Variants in DISC1 observed in about 807,000 individuals in gnomAD.
DISC1 encodes DISC1 scaffold protein.
In DISC1, 57 loss-of-function variants were observed where a neutral mutation model predicts 84.5. The ratio of observed to expected loss-of-function variants is 0.67; its 90% confidence interval spans 0.55 to 0.84. DISC1 has a LOEUF of 0.84. Ranked by LOEUF, DISC1 falls within the 40% of genes least tolerant of loss-of-function variation. The probability of loss-of-function intolerance (pLI) is 0.00; values close to 1 mark genes in which losing one functional copy is unlikely to be tolerated. For synonymous variants in DISC1, 411 were observed against 415.2 expected (o/e 0.99, Z 0.12); for missense variants, 1,000 against 1,057.8 (o/e 0.95, Z 0.76).
intron 10 of DISC1, among the ~76,000 whole-genome samples, chr1:232,005,011 T>TCCTC (rs1667221377): frequency 8.4e-6 from 1 of 119,490 alleles, no homozygotes; most frequent in Non-Finnish European, 1.8e-5. Flanking sequence ...CTTCCTTCCT[T>TCCTC]CCCTCTCTCC....
intron 9 of DISC1, among the ~76,000 whole-genome samples, chr1:231,929,741 A>G (rs2090544029): frequency 6.6e-6 from 1 of 152,238 alleles, no homozygotes; most frequent in Admixed American, 6.5e-5. Flanking sequence ...TTGAAGGATT[A>G]ACAACCAGAT....
At chr1:231,780,380 A>G (rs2077327157) in intron 6 of DISC1, among the ~76,000 whole-genome samples, 1 of 152,152 alleles carries the variant, frequency 6.6e-6, no homozygotes, top group South Asian at 2.1e-4. Context: ...TTGCAGATGT[A>G]AAAAAAGACT....
At chr1:231,818,636 T>C (rs1420726654) in intron 9 of DISC1, 119 bp downstream of exon 9, 2 of 1,491,560 alleles carry the variant, frequency 1.3e-6, no homozygotes, top group Non-Finnish European at 1.8e-6. Context: ...ATGGAGCACA[T>C]GGCCCTTTTC....
intron 9 of DISC1, among the ~76,000 whole-genome samples, chr1:231,863,433 GT>G (rs1198974586): frequency 6.6e-6 from 1 of 151,920 alleles, no homozygotes; most frequent in Non-Finnish European, 1.5e-5. Flanking sequence ...GTTTCACCAT[GT>G]TGGCCAGGCT....
chr1:231,880,470 G>A (rs769373043), intron 9 of DISC1, among the ~76,000 whole-genome samples: 2 of 152,154 alleles, frequency 1.3e-5, no homozygotes, highest in African/African-American at 2.4e-5. Context: ...TCAAATTAAA[G>A]TTTGAATATT....
chr1:231,661,432 G>T (rs577886699), intron 1 of DISC1, among the ~76,000 whole-genome samples: 8 of 152,236 alleles, frequency 5.3e-5, no homozygotes, highest in Admixed American at 1.3e-4. Context: ...TGGAGGTTTT[G>T]TTCATTCCTT....
At chr1:231,965,842 T>G (rs1661033378) in intron 10 of DISC1, among the ~76,000 whole-genome samples, 2 of 152,354 alleles carry the variant, frequency 1.3e-5, no homozygotes, top group East Asian at 3.9e-4. Context: ...CTATAAAGCC[T>G]TTCTGGCCTC....
intron 1 of DISC1, among the ~76,000 whole-genome samples, chr1:231,661,530 A>C (rs1044232285): frequency 1.3e-5 from 2 of 152,026 alleles, no homozygotes; most frequent in Non-Finnish European, 2.9e-5. Flanking sequence ...CACTTGGTCT[A>C]TTCTGCTATT....
At chr1:232,032,537 G>A (rs1670148968) in intron 12 of DISC1, among the ~76,000 whole-genome samples, 1 of 152,124 alleles carries the variant, frequency 6.6e-6, no homozygotes, top group African/African-American at 2.4e-5. Context: ...GGGTTCCAAA[G>A]GTGTTTTAAA....
chr1:231,918,146 G>T (rs1321073031), intron 9 of DISC1, among the ~76,000 whole-genome samples: 1 of 152,240 alleles, frequency 6.6e-6, no homozygotes. Flanking sequence ...TGGTGTTTTA[G>T]GTTGTGCCGG....
intron 10 of DISC1, among the ~76,000 whole-genome samples, chr1:231,987,185 T>A (rs1023449069): frequency 6.6e-6 from 1 of 152,246 alleles, no homozygotes; most frequent in African/African-American, 2.4e-5. Context: ...ATTTTTAGAC[T>A]TCAATTTAGA....
At chr1:231,727,421 G>T (rs1372174886) in intron 3 of DISC1, among the ~76,000 whole-genome samples, 6 of 152,110 alleles carry the variant, frequency 3.9e-5, no homozygotes, top group Non-Finnish European at 1.5e-5. Context: ...ATGTGTGAAT[G>T]GAGGACAGAG....
rs540678027 is a variant in DISC1, at chr1:231,866,149, C to T, written c.1981+47632C>T. 5.9e-5 allele frequency among the ~76,000 whole-genome samples: 9 copies of T among 152,222 alleles called. No homozygotes were observed. The South Asian group carries it at 1.9e-3, about 32-fold the overall frequency. ...TAGTGGCCCACATCCCCCCAGGGCC[C>T]TGCATGAAGTTCCTGCAAGTCTACC... On this transcript the variant is annotated intron_variant, in intron 9 of 12. Transcript: ENST00000439617.
At chr1:231,992,062 G>A (rs1665277981) in intron 10 of DISC1, among the ~76,000 whole-genome samples, 1 of 152,112 alleles carries the variant, frequency 6.6e-6, no homozygotes, top group South Asian at 2.1e-4. Flanking sequence ...ATGCTGCAAT[G>A]ATCATCCTTT....
At chr1:231,733,402 G>A (rs1440216871) in intron 3 of DISC1, among the ~76,000 whole-genome samples, 1 of 150,706 alleles carries the variant, frequency 6.6e-6, no homozygotes, top group Non-Finnish European at 1.5e-5. Flanking sequence ...AGGAGTACTG[G>A]TGACTGTAGA....
At chr1:231,783,454 C>A (rs2077584722) in intron 6 of DISC1, among the ~76,000 whole-genome samples, 1 of 152,150 alleles carries the variant, frequency 6.6e-6, no homozygotes, top group Admixed American at 6.5e-5. Context: ...CCACCAAAAT[C>A]TCCTACAGAC....
chr1:231,849,441 G>GAAACT (rs776617167), intron 9 of DISC1, among the ~76,000 whole-genome samples: 2 of 152,118 alleles, frequency 1.3e-5, no homozygotes, highest in East Asian at 3.9e-4. Flanking sequence ...TACAGAAGAG[G>GAAACT]AAACTAGTGC....
intron 9 of DISC1, among the ~76,000 whole-genome samples, chr1:231,854,431 T>C (rs1248895682): frequency 6.6e-6 from 1 of 152,200 alleles, no homozygotes; most frequent in Non-Finnish European, 1.5e-5. Flanking sequence ...CAAATATACC[T>C]ACTAATATCC....
At chr1:231,835,455 A>G (rs1574164113) in intron 9 of DISC1, among the ~76,000 whole-genome samples, 2 of 152,270 alleles carry the variant, frequency 1.3e-5, no homozygotes, top group South Asian at 2.1e-4. Flanking sequence ...GGTGCTCAGT[A>G]GGGGAGCTTT....
Sources: gnomAD v4.1 joint callset for allele counts (sites outside exome capture counted in the v4.1 genomes callset) on GRCh38, gnomAD v4.1.1 for gene constraint, MANE v1.5 for transcripts, NCBI Gene and HGNC (gene_info 2026-07-23, HGNC 2026-07-21) for gene names.